Variants in LSP1 observed in about 807,000 individuals in gnomAD.
The protein encoded by LSP1 is lymphocyte specific protein 1, also known as lymphocyte-specific protein 1.
Under a neutral mutation model 49.3 loss-of-function variants are expected in LSP1, and 32 were observed. That is an observed-to-expected ratio of 0.65 (90% confidence interval 0.49 to 0.87). The LOEUF is 0.87. Ranked by LOEUF, LSP1 falls within the 40% of genes least tolerant of loss-of-function variation. The pLI is 0.00. For synonymous variants in LSP1, 179 were observed against 178.8 expected, an observed-to-expected ratio of 1.00 and a Z score of -0.01; for missense variants, 428 against 442.6, an observed-to-expected ratio of 0.97 and a Z score of 0.30.
At chr11:1,874,567 C>T (rs981370902) in intron 1 of LSP1, among the ~76,000 whole-genome samples, 3 of 152,058 alleles carry the variant, frequency 2.0e-5, no homozygotes, top group East Asian at 1.9e-4. Context: ...AAGAAGGGGC[C>T]GGGGCTGGTC....
intron 1 of LSP1, among the ~76,000 whole-genome samples, chr11:1,878,490 G>A (rs1235554012): frequency 3.9e-5 from 6 of 151,900 alleles, no homozygotes; most frequent in African/African-American, 1.5e-4. Flanking sequence ...CGCGGGGGGC[G>A]GGGTGCACAG....
intron 1 of LSP1, among the ~76,000 whole-genome samples, chr11:1,855,323 C>T (rs1424225388): frequency 1.3e-5 from 2 of 152,182 alleles, no homozygotes. Context: ...CCAGGCTGGG[C>T]AGGCTCAGCT....
At position 1,883,709 on chromosome 11, in the gene LSP1, C is replaced by T. The variant is rs909152500; in HGVS notation, c.498+149C>T. On this transcript the variant is annotated intron_variant, in intron 4 of 10. Transcript: ENST00000311604. ...CTAGACCTTGCAGCCCCTTCTGGGCCCACATTCTCAGAGAGGGCAAGGCTC... is the reference window on the plus strand; with the variant it reads ...CTAGACCTTGCAGCCCCTTCTGGGCTCACATTCTCAGAGAGGGCAAGGCTC... The T allele has an allele frequency of 8.2e-6, 9 of 1,103,070 alleles. No homozygotes were observed. In the African/African-American group the frequency reaches 1.3e-4, roughly 15 times the overall value. 68.3% of individuals were successfully genotyped at this position (1,103,070 alleles called of 1,614,324 possible). A position where few individuals can be genotyped will look rare whatever the true frequency, so the allele number is the denominator to read the frequency against.
rs546207776 is a variant in LSP1, at chr11:1,855,091, C to A, written c.53+1894C>A. Among the ~76,000 whole-genome samples, 340 of 152,276 alleles carry A rather than the reference C, an allele frequency of 2.2e-3. 1 individual carries two copies. Among genetic ancestry groups the A allele is most frequent in the African/African-American group, 7.9e-3 (330 of 41,546 alleles). On this transcript the variant is annotated intron_variant, in intron 1 of 10. Coordinates refer to ENST00000311604, the MANE Select transcript of LSP1 (RefSeq NM_002339.3). The stretch of plus-strand genomic sequence containing the variant: ...TCTCCTGGGCTCTGCAAAGCCTGGA[C>A]CCCCTCCTTGGACATCCCCTGCCCC...
intron 10 of LSP1, chr11:1,889,428 G>C: frequency 1.5e-6 from 1 of 669,994 alleles, no homozygotes; most frequent in Non-Finnish European, 2.8e-6. Context: ...TGCGGTGAGG[G>C]CGGGCACCTC....
Position 1,881,403 on chromosome 11 carries a change from A to G in LSP1, c.192-29A>G, listed in dbSNP as rs1182505737. 4 of 1,537,638 alleles carry G rather than the reference A, an allele frequency of 2.6e-6. No homozygotes were observed. The Admixed American group carries it at 6.1e-5, about 24-fold the overall frequency. On this transcript the variant is annotated intron_variant, in intron 2 of 10. Transcript: ENST00000311604. ...TGGGCAGAGGAGGCAGCAGCCGCCCAGGCCTAAGCTCCCCCCTGCTACCCT... is the reference window on the plus strand; with the variant it reads ...TGGGCAGAGGAGGCAGCAGCCGCCCGGGCCTAAGCTCCCCCCTGCTACCCT...
chr11:1,883,672 C>T, intron 4 of LSP1, 112 bp downstream of exon 4: 2 of 1,318,390 alleles, frequency 1.5e-6, no homozygotes, highest in African/African-American at 1.5e-5. Flanking sequence ...AGTGGGTCAG[C>T]ACCCCACACC....
Position 1,887,512 on chromosome 11 carries a change from C to T in LSP1, c.969C>T (p.Thr323=), listed in dbSNP as rs780994994. 8.7e-6 allele frequency: 14 copies of T among 1,613,708 alleles called. No homozygotes were observed. The highest frequency in any genetic ancestry group is 5.0e-5 in the Admixed American group (3 of 59,980). ...GGAAGAGGTATAAGTTTGTGGCCAC[C>T]GGGCATGGGAAGTATGAGAAGGTGC... ...PSGKRYKFVA[T]GHGKYEKVLV... Residue 323 remains threonine (T), a synonymous_variant, in exon 10 of 11, where the codon ACC becomes ACT. Transcript: ENST00000311604.
intron 1 of LSP1, among the ~76,000 whole-genome samples, chr11:1,872,478 C>A (rs1397179903): frequency 7.9e-6 from 1 of 126,428 alleles, no homozygotes; most frequent in Non-Finnish European, 1.6e-5. Context: ...GGCGTGGGCA[C>A]CTTTGGGATG....
chr11:1,870,279 G>C, intron 1 of LSP1: 2 of 1,303,050 alleles, frequency 1.5e-6, no homozygotes, highest in Admixed American at 2.3e-5. Flanking sequence ...CTGAGGCTCA[G>C]GGAGGCACCA....
At chr11:1,855,118 G>A (rs915510077) in intron 1 of LSP1, among the ~76,000 whole-genome samples, 10 of 152,144 alleles carry the variant, frequency 6.6e-5, no homozygotes, top group Non-Finnish European at 1.3e-4. Context: ...CCCTGCCCCC[G>A]CGAATTGCAT....
chr11:1,881,126 G>A, intron 2 of LSP1: 2 of 313,362 alleles, frequency 6.4e-6, no homozygotes, highest in Non-Finnish European at 1.2e-5. Flanking sequence ...ACTGATGAGG[G>A]AGGCATAGCC....
intron 1 of LSP1, chr11:1,868,957 G>T: frequency 1.0e-6 from 1 of 986,160 alleles, no homozygotes; most frequent in South Asian, 4.7e-5. Context: ...CCCGGGGACT[G>T]AGCATCCGGC....
At chr11:1,880,508 G>A (rs1360498835) in intron 2 of LSP1, among the ~76,000 whole-genome samples, 2 of 152,118 alleles carry the variant, frequency 1.3e-5, no homozygotes, top group Non-Finnish European at 1.5e-5. Context: ...CCCCAGCCAC[G>A]CAGCCTGGCC....
chr11:1,864,917 G>A (rs622173), intron 1 of LSP1, among the ~76,000 whole-genome samples: 124,986 of 151,836 alleles, frequency 0.82, 51,786 homozygotes, highest in Middle Eastern at 0.92. Flanking sequence ...GCCAAGACAG[G>A]CAGGCAGAGG....
intron 1 of LSP1, among the ~76,000 whole-genome samples, chr11:1,862,288 C>T (rs1000076990): frequency 3.9e-5 from 6 of 152,178 alleles, no homozygotes; most frequent in African/African-American, 1.4e-4. Context: ...AGGACATGCT[C>T]TAGTTGTAAA....
At chr11:1,879,997 C>A in intron 1 of LSP1, 90 bp from the exon 2 acceptor site, 1 of 1,505,386 alleles carries the variant, frequency 6.6e-7, no homozygotes, top group Non-Finnish European at 9.1e-7. Context: ...ACCGTGTGGC[C>A]CCAGCAAGGC....
At chr11:1,858,616 T>A (rs1178586240) in intron 1 of LSP1, among the ~76,000 whole-genome samples, 1 of 152,178 alleles carries the variant, frequency 6.6e-6, no homozygotes, top group East Asian at 1.9e-4. Context: ...GACGAGGCTG[T>A]ATTGATACTT....
chr11:1,861,045 T>C (rs947071647), intron 1 of LSP1, among the ~76,000 whole-genome samples: 8 of 152,152 alleles, frequency 5.3e-5, no homozygotes, highest in African/African-American at 1.9e-4. Flanking sequence ...CCGTGCTGAG[T>C]AAACTATTAG....
Sources: allele counts gnomAD v4.1 joint callset (sites outside exome capture counted in the v4.1 genomes callset), GRCh38; gene constraint gnomAD v4.1.1; transcripts MANE v1.5; gene names NCBI Gene and HGNC (gene_info 2026-07-23, HGNC 2026-07-21).